ZNF420: variants seen among roughly 807,000 people sequenced by gnomAD.
The protein encoded by ZNF420 is ATM and p53-associated KZNF protein.
ZNF420 carries 31 observed loss-of-function variants against 44.7 expected under a neutral mutation model. The observed-to-expected ratio is 0.69, with a 90% confidence interval of 0.52 to 0.94. The LOEUF (loss-of-function observed/expected upper bound fraction) is 0.94. Ranked by LOEUF, ZNF420 falls within the 40% of genes least tolerant of loss-of-function variation. The pLI, the probability that ZNF420 is intolerant of heterozygous loss-of-function variation, is 0.00. For synonymous variants in ZNF420, 245 were observed against 267.4 expected, an observed-to-expected ratio of 0.92 and a Z score of 0.82; for missense variants, 681 against 827.9, an observed-to-expected ratio of 0.82 and a Z score of 2.18.
At chr19:37,081,650 C>G (rs570587314) in intron 2 of ZNF420, among the ~76,000 whole-genome samples, 5 of 150,854 alleles carry the variant, frequency 3.3e-5, no homozygotes, top group Admixed American at 2.0e-4. Flanking sequence ...CTTAGCCTCC[C>G]GAGTAGCTGG....
At position 37,128,706 on chromosome 19, in the gene ZNF420, C is replaced by A; in HGVS notation, c.1715C>A (p.Ser572Ter). ...TGTGGGAAAGCCTTTATTCGTGGTT[C>A]ACAGTTGACTCAACATCAGCGAATT... ...KECGKAFIRG[S>*]QLTQHQRIHT... Residue 572 changes from serine to a stop codon, truncating the protein, a stop_gained, in exon 5 of 5, where the codon TCA becomes TAA. Transcript: ENST00000337995. LOFTEE classifies it high-confidence loss of function. The A allele has an allele frequency of 6.2e-7, 1 of 1,613,996 alleles. No individual in the cohort carries two copies. Among genetic ancestry groups the A allele is most frequent in the Non-Finnish European group, 8.5e-7 (1 of 1,179,990 alleles).
chr19:37,116,830 C>T (rs534735106), intron 4 of ZNF420, among the ~76,000 whole-genome samples: 1 of 152,328 alleles, frequency 6.6e-6, no homozygotes, highest in South Asian at 2.1e-4. Flanking sequence ...TCAGAGGGTC[C>T]TATGCCCATG....
chr19:37,056,530 G>C (rs1405868983), intron 1 of ZNF420, among the ~76,000 whole-genome samples: 1 of 152,184 alleles, frequency 6.6e-6, no homozygotes, highest in Admixed American at 6.5e-5. Context: ...CTTCTCGCAG[G>C]AGCCCCAGGG....
At chr19:37,085,936 TTTATTA>T (rs34624393) in intron 2 of ZNF420, among the ~76,000 whole-genome samples, 24,461 of 137,452 alleles carry the variant, frequency 0.18, 2,399 homozygotes, top group Admixed American at 0.24. Context: ...TGGCTGATGT[TTTATTA>T]TTATTATTAT....
At chr19:37,020,136 G>C (rs1438030224) in intron 1 of ZNF420, among the ~76,000 whole-genome samples, 1 of 150,256 alleles carries the variant, frequency 6.7e-6, no homozygotes, top group Admixed American at 6.7e-5. Flanking sequence ...AGAATCGTTT[G>C]AACCCGGGAG....
chr19:37,040,593 T>A (rs564612544), intron 1 of ZNF420, among the ~76,000 whole-genome samples: 3 of 152,158 alleles, frequency 2.0e-5, no homozygotes, highest in Admixed American at 2.0e-4. Flanking sequence ...TAAAACAAGA[T>A]ACCACATAAA....
intron 1 of ZNF420, among the ~76,000 whole-genome samples, chr19:37,034,794 T>C (rs1302959340): frequency 6.6e-6 from 1 of 152,180 alleles, no homozygotes; most frequent in African/African-American, 2.4e-5. Context: ...TAGGATTGCC[T>C]AAATAATGCA....
intron 1 of ZNF420, among the ~76,000 whole-genome samples, chr19:37,037,440 G>C (rs1396471991): frequency 6.6e-6 from 1 of 152,192 alleles, no homozygotes; most frequent in Non-Finnish European, 1.5e-5. Context: ...CCATGGAAGC[G>C]CAGGCTTCCC....
chr19:37,059,785 T>C (rs1234862576), intron 1 of ZNF420, among the ~76,000 whole-genome samples: 1 of 151,986 alleles, frequency 6.6e-6, no homozygotes, highest in Admixed American at 6.6e-5. Context: ...CTGCTCTGTC[T>C]CTGTCTCTTT....
At chr19:37,122,359 A>G (rs541326841) in intron 4 of ZNF420, among the ~76,000 whole-genome samples, 164 of 152,124 alleles carry the variant, frequency 1.1e-3, no homozygotes, top group African/African-American at 3.9e-3. Context: ...AAACTATCTC[A>G]AGGACAGAAA....
At chr19:37,012,417 G>T (rs1568417926) in intron 1 of ZNF420, among the ~76,000 whole-genome samples, 1 of 152,218 alleles carries the variant, frequency 6.6e-6, no homozygotes, top group African/African-American at 2.4e-5. Context: ...CAAAGCAGGA[G>T]CCCTACATTG....
chr19:37,104,190 A>C (rs1470783480), intron 4 of ZNF420, among the ~76,000 whole-genome samples: 1 of 128,888 alleles, frequency 7.8e-6, no homozygotes, highest in Admixed American at 1.0e-4. Context: ...TCCTGTGTCC[A>C]AGTGTTCTCA....
At chr19:37,118,394 A>C (rs2145274782) in intron 4 of ZNF420, among the ~76,000 whole-genome samples, 1 of 152,324 alleles carries the variant, frequency 6.6e-6, no homozygotes, top group Non-Finnish European at 1.5e-5. Context: ...AGGAGAAGTA[A>C]AATCCTTTAC....
In ZNF420 at chr19:37,128,211, C is replaced by T; in HGVS notation, c.1220C>T (p.Thr407Ile). The change falls in exon 5 of 5, where the codon ACT becomes ATT. Residue 407 changes from threonine to isoleucine, a missense_variant. By Grantham distance (89) the Thr-to-Ile change is moderately conservative. This residue lies in a region of ZNF420 where 51 missense variants were observed against 106.8 expected (regional missense o/e 0.48). Coordinates refer to ENST00000337995, the MANE Select transcript of ZNF420 (RefSeq NM_144689.5). Reference protein sequence around the residue: ...GKMFSHGSQLTQHQRIHTGEK... With the variant: ...GKMFSHGSQLIQHQRIHTGEK... ...ATGTTTAGTCATGGCTCACAACTTACTCAACATCAGAGAATACACACTGGT... is the reference window on the plus strand; with the variant it reads ...ATGTTTAGTCATGGCTCACAACTTATTCAACATCAGAGAATACACACTGGT... 1 of 1,614,008 alleles carries T rather than the reference C, an allele frequency of 6.2e-7. No individual in the cohort carries two copies. The highest frequency in any genetic ancestry group is 8.5e-7 in the Non-Finnish European group (1 of 1,179,962).
chr19:37,120,379 A>G (rs1348354609), intron 4 of ZNF420, among the ~76,000 whole-genome samples: 1 of 149,238 alleles, frequency 6.7e-6, no homozygotes, highest in Non-Finnish European at 1.5e-5. Flanking sequence ...AAACCACATG[A>G]TTATCTCAAT....
At chr19:37,041,045 C>T (rs1289172724) in intron 1 of ZNF420, among the ~76,000 whole-genome samples, 2 of 152,028 alleles carry the variant, frequency 1.3e-5, no homozygotes, top group African/African-American at 2.4e-5. Context: ...AAATCCCAGC[C>T]GGGCATGGTG....
intron 1 of ZNF420, among the ~76,000 whole-genome samples, chr19:37,015,103 G>T (rs758063777): frequency 2.6e-5 from 4 of 152,228 alleles, no homozygotes; most frequent in Non-Finnish European, 5.9e-5. Flanking sequence ...CTGCCTGGCT[G>T]TGTGTTTCTG....
At chr19:37,008,791 C>G (rs144338163) in intron 1 of ZNF420, among the ~76,000 whole-genome samples, 1 of 152,334 alleles carries the variant, frequency 6.6e-6, no homozygotes, top group African/African-American at 2.4e-5. Flanking sequence ...TGTCCTCCCT[C>G]TTGCTGTGTC....
intron 4 of ZNF420, among the ~76,000 whole-genome samples, chr19:37,100,065 G>A (rs1024146921): frequency 2.0e-5 from 3 of 152,140 alleles, no homozygotes; most frequent in African/African-American, 7.2e-5. Context: ...CTGTTTCCCT[G>A]TGTTTTCTTC....
Sources: gnomAD v4.1 joint callset for allele counts (sites outside exome capture counted in the v4.1 genomes callset) on GRCh38, gnomAD v4.1.1 for gene constraint, gnomAD v4.1.1 regional missense constraint, MANE v1.5 for transcripts, NCBI Gene and HGNC (gene_info 2026-07-23, HGNC 2026-07-21) for gene names.